The following STK3 variants were observed in gnomAD, a reference collection of about 807,000 sequenced individuals.
STK3 encodes the protein serine/threonine-protein kinase 3.
A neutral mutation model predicts 58.0 loss-of-function variants in STK3; 41 were observed. The observed-to-expected ratio is 0.71, with a 90% confidence interval of 0.55 to 0.92. STK3 has a LOEUF of 0.92. Among genes scored for constraint, STK3 ranks in the 40% least tolerant of loss-of-function variants. The pLI is 0.00. For synonymous variants in STK3, 170 were observed against 191.0 expected (o/e 0.89, Z 0.91); for missense variants, 479 against 602.7 (o/e 0.79, Z 2.15).
downstream of STK3, among the ~76,000 whole-genome samples, chr8:98,451,886 A>C (rs1819214703): frequency 1.8e-5 from 2 of 109,726 alleles, no homozygotes; most frequent in South Asian, 2.9e-4. Flanking sequence ...CTTTCAGGCC[A>C]AAAAAAAAAA....
intron 3 of STK3, among the ~76,000 whole-genome samples, chr8:98,417,902 T>A (rs1377556088): frequency 6.6e-6 from 1 of 152,148 alleles, no homozygotes; most frequent in Non-Finnish European, 1.5e-5. Context: ...GAGTTTTTAA[T>A]TTAATTTAAT....
At chr8:98,822,316 T>C (rs775559545) in intron 1 of STK3, among the ~76,000 whole-genome samples, 2 of 152,322 alleles carry the variant, frequency 1.3e-5, no homozygotes, top group Non-Finnish European at 2.9e-5. Flanking sequence ...TTTATTTTTA[T>C]TTTTGTTTCT....
Position 98,473,273 on chromosome 8 carries a change from T to C in STK3, c.1318-17273A>G, listed in dbSNP as rs558394679. Among the ~76,000 whole-genome samples the C allele has an allele frequency of 2.0e-5, 3 of 152,266 alleles. No homozygotes were observed. The South Asian group carries it at 6.2e-4, about 32-fold the overall frequency. ...GTTGTAATGAATTCGCATACCTGCC[T>C]CCGATTACAGGCTGGATTGCCCCAA... On this transcript the variant is annotated intron_variant, in intron 10 of 10. Transcript: ENST00000419617.
At chr8:98,903,547 CTTCTTCTTCCT>C (rs1564093590) in intron 1 of STK3, among the ~76,000 whole-genome samples, 9 of 22,672 alleles carry the variant, frequency 4.0e-4, no homozygotes, top group East Asian at 3.8e-3. Flanking sequence ...TCTTCTTCTT[CTTCTTCTTCCT>C]TTTTTTTTTT....
chr8:98,709,964 T>A (rs185677852), intron 4 of STK3, among the ~76,000 whole-genome samples: 2 of 152,158 alleles, frequency 1.3e-5, no homozygotes, highest in African/African-American at 4.8e-5. Flanking sequence ...CGAAATTACT[T>A]TTGCACCAGC....
At chr8:98,625,240 C>T (rs571878786) in intron 6 of STK3, among the ~76,000 whole-genome samples, 2 of 152,250 alleles carry the variant, frequency 1.3e-5, no homozygotes, top group Non-Finnish European at 2.9e-5. Context: ...GACAAATTAC[C>T]TCTGGTTTCT....
At chr8:98,705,516 A>T (rs1416970426) in intron 6 of STK3, among the ~76,000 whole-genome samples, 1 of 152,258 alleles carries the variant, frequency 6.6e-6, no homozygotes, top group Middle Eastern at 3.4e-3. Flanking sequence ...TCGAAATTTA[A>T]CCCACAATGG....
intron 2 of STK3, among the ~76,000 whole-genome samples, chr8:98,374,428 A>G (rs1248248053): frequency 6.6e-6 from 1 of 152,220 alleles, no homozygotes. Context: ...CAACCCATTT[A>G]TTCTACAAAC....
chr8:98,800,794 G>A lies in STK3; in HGVS notation c.26+24721C>T, dbSNP rs572418735. 7.9e-5 allele frequency among the ~76,000 whole-genome samples: 12 copies of A among 152,202 alleles called. No individual in the cohort carries two copies. The highest frequency in any genetic ancestry group is 2.2e-4 in the African/African-American group (9 of 41,454). ...CTGCCGGCCCTCCCGCGCTGAGCTC[G>A]AATTCTTGCCAGGCCTCAGCCACCT... On this transcript the variant is annotated intron_variant, in intron 1 of 10. Coordinates refer to ENST00000419617, the MANE Select transcript of STK3 (RefSeq NM_006281.4). The surrounding 1 kb of genome is among the most constrained non-coding windows in gnomAD (Gnocchi z 4.8).
chr8:98,813,039 A>T (rs1197390221), intron 1 of STK3, among the ~76,000 whole-genome samples: 1 of 151,866 alleles, frequency 6.6e-6, no homozygotes, highest in African/African-American at 2.4e-5. Flanking sequence ...GCACAATAAA[A>T]AAAAAAAAAA....
downstream of STK3, among the ~76,000 whole-genome samples, chr8:98,368,170 A>G (rs750734783): frequency 9.8e-5 from 15 of 152,332 alleles, no homozygotes; most frequent in Non-Finnish European, 1.9e-4. Context: ...ATTTTAAAAG[A>G]GGTGAAAACT....
intron 1 of STK3, among the ~76,000 whole-genome samples, chr8:98,916,597 C>G (rs183630077): frequency 1.3e-5 from 2 of 152,296 alleles, no homozygotes; most frequent in East Asian, 3.9e-4. Context: ...CCCTCCCTGT[C>G]TCCACTGGTT....
In STK3 at chr8:98,469,041, G is replaced by A. The variant is rs769478677; in HGVS notation, c.1318-13041C>T. 1.6e-4 allele frequency among the ~76,000 whole-genome samples: 24 copies of A among 152,134 alleles called. 1 individual carries two copies. Among genetic ancestry groups the A allele is most frequent in the South Asian group, 2.1e-4 (1 of 4,820 alleles). ...GCAGAATCGCTTGAACCTGGGAGGCGGGGGTTGCAGTGAGCTAGGATCGTG... is the reference window on the plus strand; with the variant it reads ...GCAGAATCGCTTGAACCTGGGAGGCAGGGGTTGCAGTGAGCTAGGATCGTG... On this transcript the variant is annotated intron_variant, in intron 10 of 10. Transcript: ENST00000419617.
chr8:98,864,184 C>T (rs944421078), intron 3 of STK3, among the ~76,000 whole-genome samples: 58 of 118,682 alleles, frequency 4.9e-4, no homozygotes, highest in Non-Finnish European at 7.9e-4. Context: ...GGCGACAGAG[C>T]GAGACTCCTT....
chr8:98,479,449 T>C (rs1821649855), intron 10 of STK3, among the ~76,000 whole-genome samples: 1 of 119,398 alleles, frequency 8.4e-6, no homozygotes, highest in African/African-American at 3.3e-5. Flanking sequence ...ATCCTGCCAC[T>C]GCACTCCAGC....
intron 1 of STK3, among the ~76,000 whole-genome samples, chr8:98,932,808 C>A (rs1840047850): frequency 6.6e-6 from 1 of 152,200 alleles, no homozygotes; most frequent in African/African-American, 2.4e-5. Flanking sequence ...TTCTGATACT[C>A]AGAGGCTATT....
chr8:98,844,613 G>A (rs146617587), intron 3 of STK3, among the ~76,000 whole-genome samples: 2 of 152,000 alleles, frequency 1.3e-5, no homozygotes, highest in African/African-American at 2.4e-5. Flanking sequence ...TTACAGGCCC[G>A]CACCATCATG....
intron 4 of STK3, among the ~76,000 whole-genome samples, chr8:98,717,758 T>C (rs1026214301): frequency 6.6e-6 from 1 of 152,212 alleles, no homozygotes; most frequent in African/African-American, 2.4e-5. Context: ...ATGTTCATAG[T>C]AGCATTATTC....
intron 10 of STK3, among the ~76,000 whole-genome samples, chr8:98,514,514 C>T (rs947651500): frequency 5.3e-5 from 8 of 151,694 alleles, no homozygotes; most frequent in Admixed American, 4.6e-4. Context: ...TAGACTGATA[C>T]CTGCCCCCAC....
Sources: gnomAD v4.1 joint callset for allele counts (sites outside exome capture counted in the v4.1 genomes callset) on GRCh38, gnomAD v4.1.1 for gene constraint, Gnocchi (gnomAD v3.1) non-coding constraint, MANE v1.5 for transcripts, NCBI Gene and HGNC (gene_info 2026-07-23, HGNC 2026-07-21) for gene names.